The following MRPS27 variants were observed in gnomAD, a reference collection of about 807,000 sequenced individuals.
MRPS27 encodes mitochondrial ribosomal protein S27.
In MRPS27, 43 loss-of-function variants were observed where a neutral mutation model predicts 48.9. The observed-to-expected ratio is 0.88, with a 90% confidence interval of 0.69 to 1.13. The LOEUF (loss-of-function observed/expected upper bound fraction) is 1.13. Among genes scored for constraint, MRPS27 ranks in the 50% most tolerant of loss-of-function variants. MRPS27 has a pLI of 0.00. For missense variants in MRPS27, 467 were observed against 476.3 expected (o/e 0.98, Z 0.18); for synonymous variants, 188 against 171.9 (o/e 1.09, Z -0.73).
intron 3 of MRPS27, among the ~76,000 whole-genome samples, chr5:72,296,562 G>T (rs1038414225): frequency 1.3e-5 from 2 of 152,144 alleles, no homozygotes; most frequent in Non-Finnish European, 2.9e-5. Flanking sequence ...TGTAAACCTT[G>T]AAGTACTACC....
chr5:72,221,016 G>A lies in MRPS27; in HGVS notation c.1138C>T (p.Gln380Ter). 6.2e-7 allele frequency: 1 copy of A among 1,614,208 alleles called. No individual in the cohort carries two copies. Among genetic ancestry groups the A allele is most frequent in the South Asian group, 1.1e-5 (1 of 91,086 alleles). The change falls in exon 11 of 11, where the codon CAG becomes TAG. Residue 380 changes from glutamine (Q) to a stop codon, truncating the protein, a stop_gained. Transcript: ENST00000261413. LOFTEE classifies it low-confidence loss of function (END_TRUNC). ...EDIATYEQNL[Q>*]QWHLDLVQLI... ...TGTACAAGGTCTAGATGCCACTGCT[G>A]CAGATTCTGCTCATAGGTGGCGATG...
chr5:72,314,046 A>G (rs767518407), intron 2 of MRPS27, 35 bp downstream of exon 2: 32 of 1,517,346 alleles, frequency 2.1e-5, no homozygotes, highest in Non-Finnish European at 2.9e-5. Flanking sequence ...AGAGTGACCG[A>G]AAATGACACA....
chr5:72,264,932 A>G (rs1474367981), intron 4 of MRPS27, among the ~76,000 whole-genome samples: 1 of 152,226 alleles, frequency 6.6e-6, no homozygotes, highest in East Asian at 1.9e-4. Flanking sequence ...GTACGCTTAG[A>G]GAAGGAAGTA....
In MRPS27 at chr5:72,220,726, T is replaced by C; in HGVS notation, c.*183A>G. On this transcript the variant is annotated 3_prime_UTR_variant, in exon 11 of 11. Transcript: ENST00000261413. ...GTCTGACCACTAGCCACCTGCATAG[T>C]TCCATAGCCCTTCTTGGCATCTCGA... 3.5e-6 allele frequency: 3 copies of C among 853,342 alleles called. No individual in the cohort carries two copies. The highest frequency in any genetic ancestry group is 3.5e-5 in the South Asian group (2 of 57,128). The allele number at this position is 853,342 out of a possible 1,614,324, so 52.9% of individuals were successfully genotyped here.
At chr5:72,275,267 A>T (rs1749344850) in intron 4 of MRPS27, among the ~76,000 whole-genome samples, 1 of 152,134 alleles carries the variant, frequency 6.6e-6, no homozygotes, top group East Asian at 1.9e-4. Context: ...TCATGAGTGA[A>T]CTCCCATTCA....
chr5:72,280,959 G>T (rs991944393), intron 4 of MRPS27, among the ~76,000 whole-genome samples: 1 of 152,206 alleles, frequency 6.6e-6, no homozygotes, highest in African/African-American at 2.4e-5. Flanking sequence ...TTAGGGTCAG[G>T]AAGCTTCCCC....
chr5:72,274,986 T>C (rs1749336755), intron 4 of MRPS27, among the ~76,000 whole-genome samples: 1 of 152,126 alleles, frequency 6.6e-6, no homozygotes, highest in Non-Finnish European at 1.5e-5. Flanking sequence ...GGATGCCCTC[T>C]CTTACCACTC....
chr5:72,298,357 A>G (rs1750034532), intron 2 of MRPS27, among the ~76,000 whole-genome samples: 1 of 152,252 alleles, frequency 6.6e-6, no homozygotes, highest in African/African-American at 2.4e-5. Flanking sequence ...CAGAATGGCT[A>G]TTATTAAAAA....
At chr5:72,309,751 T>C (rs943390105) in intron 2 of MRPS27, among the ~76,000 whole-genome samples, 1 of 152,204 alleles carries the variant, frequency 6.6e-6, no homozygotes, top group African/African-American at 2.4e-5. Flanking sequence ...GTCATTCCCT[T>C]ATCTGTACTT....
chr5:72,295,697 T>C (rs933644439), intron 3 of MRPS27, 108 bp from the exon 4 acceptor site: 4 of 786,106 alleles, frequency 5.1e-6, no homozygotes, highest in African/African-American at 3.5e-5. Context: ...ACCCATTTTA[T>C]TGGAACGATG....
chr5:72,288,734 C>T (rs992794113), intron 4 of MRPS27: 6 of 152,196 alleles, frequency 3.9e-5, no homozygotes, highest in Non-Finnish European at 2.9e-5. Flanking sequence ...ATTTCTCTCC[C>T]CTTGGGTTCT....
At chr5:72,284,067 G>T (rs941686890) in intron 4 of MRPS27, among the ~76,000 whole-genome samples, 1 of 151,946 alleles carries the variant, frequency 6.6e-6, no homozygotes, top group Non-Finnish European at 1.5e-5. Flanking sequence ...CTTTTATTAT[G>T]ATATATACTT....
At chr5:72,312,510 T>C (rs560480266) in intron 2 of MRPS27, among the ~76,000 whole-genome samples, 169 of 152,346 alleles carry the variant, frequency 1.1e-3, no homozygotes, top group African/African-American at 3.9e-3. Context: ...ACCTGCTTCA[T>C]TGTTTCTTAC....
At chr5:72,309,538 C>T (rs1750382156) in intron 2 of MRPS27, among the ~76,000 whole-genome samples, 3 of 152,120 alleles carry the variant, frequency 2.0e-5, no homozygotes, top group African/African-American at 4.8e-5. Context: ...GGATTATAGG[C>T]GTGTGCCACT....
intron 4 of MRPS27, among the ~76,000 whole-genome samples, chr5:72,242,752 A>G (rs776479457): frequency 2.6e-5 from 4 of 152,038 alleles, no homozygotes; most frequent in Non-Finnish European, 4.4e-5. Context: ...TAGGGGGGAA[A>G]AAAAAGGAAA....
intron 2 of MRPS27, among the ~76,000 whole-genome samples, chr5:72,299,642 T>A (rs1191696856): frequency 6.6e-6 from 1 of 152,256 alleles, no homozygotes; most frequent in African/African-American, 2.4e-5. Context: ...TTGGCCTGAA[T>A]GATTCCTATT....
chr5:72,300,208 T>C (rs1314548583), intron 2 of MRPS27, among the ~76,000 whole-genome samples: 1 of 152,252 alleles, frequency 6.6e-6, no homozygotes, highest in Non-Finnish European at 1.5e-5. Context: ...TTTGATACAG[T>C]TGACCATTCT....
intron 4 of MRPS27, among the ~76,000 whole-genome samples, chr5:72,288,402 G>T (rs62364779): frequency 6.6e-6 from 1 of 152,018 alleles, no homozygotes; most frequent in Admixed American, 6.5e-5. Flanking sequence ...TAGCAAAGAC[G>T]GGGTTTCACT....
intron 6 of MRPS27, among the ~76,000 whole-genome samples, chr5:72,232,954 C>T (rs1056661076): frequency 7.9e-5 from 12 of 152,144 alleles, no homozygotes; most frequent in Non-Finnish European, 1.6e-4. Flanking sequence ...GGCATCATGT[C>T]TACCAGCTAG....
Sources: gnomAD v4.1 joint callset for allele counts (sites outside exome capture counted in the v4.1 genomes callset) on GRCh38, gnomAD v4.1.1 for gene constraint, MANE v1.5 for transcripts, NCBI Gene and HGNC (gene_info 2026-07-23, HGNC 2026-07-21) for gene names.